The following NRG1 variants were observed in gnomAD, a reference collection of about 807,000 sequenced individuals.
The protein encoded by NRG1 is neuregulin 1, also known as pro-neuregulin-1, membrane-bound isoform.
A neutral mutation model predicts 63.8 loss-of-function variants in NRG1; 18 were observed. The observed-to-expected ratio is 0.28, with a 90% CI of 0.19 to 0.42. The LOEUF is 0.42. NRG1 is among the 10% of genes least tolerant of loss of function. NRG1 has a pLI of 1.00. For missense variants in NRG1, 762 were observed against 814.7 expected, an observed-to-expected ratio of 0.94 and a Z score of 0.79; for synonymous variants, 302 against 301.3, an observed-to-expected ratio of 1.00 and a Z score of -0.02.
At chr8:32,145,082 C>T (rs1196513279) in intron 1 of NRG1, among the ~76,000 whole-genome samples, 3 of 152,172 alleles carry the variant, frequency 2.0e-5, no homozygotes, top group Non-Finnish European at 4.4e-5. Context: ...TTCAGAGTGA[C>T]ACCTGGTTTA....
chr8:31,674,880 A>G (rs530165472), intron 1 of NRG1, among the ~76,000 whole-genome samples: 2 of 152,256 alleles, frequency 1.3e-5, no homozygotes, highest in South Asian at 4.1e-4. Context: ...TCTTTAATTT[A>G]CCTTGTACTG....
intron 1 of NRG1, among the ~76,000 whole-genome samples, chr8:31,651,978 T>C (rs7829124): frequency 0.24 from 36,488 of 152,040 alleles, 4,525 homozygotes; most frequent in Admixed American, 0.27. Flanking sequence ...TGAAATATTT[T>C]AACCAGTGCC....
At chr8:32,209,744 T>G (rs1844478597) in intron 1 of NRG1, among the ~76,000 whole-genome samples, 1 of 140,102 alleles carries the variant, frequency 7.1e-6, no homozygotes, top group Non-Finnish European at 1.6e-5. Flanking sequence ...CTTCCTTCCT[T>G]CCTTCCTTCC....
At chr8:32,121,682 C>A (rs1301752225) in intron 1 of NRG1, among the ~76,000 whole-genome samples, 1 of 151,640 alleles carries the variant, frequency 6.6e-6, no homozygotes, top group Non-Finnish European at 1.5e-5. Context: ...TATTTTGAGA[C>A]CGTAATAAGA....
chr8:31,773,001 A>T (rs1563384141), intron 1 of NRG1, among the ~76,000 whole-genome samples: 1 of 152,190 alleles, frequency 6.6e-6, no homozygotes, highest in Non-Finnish European at 1.5e-5. Context: ...GACTTACTGT[A>T]TGATATGTCC....
At chr8:32,588,636 C>T (rs918427308) in intron 1 of NRG1, among the ~76,000 whole-genome samples, 1 of 152,128 alleles carries the variant, frequency 6.6e-6, no homozygotes, top group East Asian at 1.9e-4. Context: ...TTCAGTAGTT[C>T]ATATACACAT....
chr8:31,902,719 G>T (rs1211090948), intron 1 of NRG1, among the ~76,000 whole-genome samples: 1 of 152,030 alleles, frequency 6.6e-6, no homozygotes, highest in Non-Finnish European at 1.5e-5. Flanking sequence ...TTCTTGGTGG[G>T]TTTTAACAGA....
At position 31,640,041 on chromosome 8, in the gene NRG1, C is replaced by T. The variant is rs1009297987; in HGVS notation, c.37+610C>T. The T allele has an allele frequency of 8.7e-7, 1 of 1,143,750 alleles. No homozygotes were observed. The highest frequency in any genetic ancestry group is 1.1e-6 in the Non-Finnish European group (1 of 933,280). 70.9% of individuals were successfully genotyped at this position (1,143,750 alleles called of 1,614,324 possible). ...GGCGTCCCGGCCCCCGGGCCCAGCGCCCCGGCTCCGCCGCCCGCTCGTCGC... is the reference window on the plus strand; with the variant it reads ...GGCGTCCCGGCCCCCGGGCCCAGCGTCCCGGCTCCGCCGCCCGCTCGTCGC... On this transcript the variant is annotated intron_variant, in intron 1 of 10. Coordinates refer to the NRG1 transcript ENST00000519301. The surrounding 1 kb of genome is among the most constrained non-coding windows in gnomAD (Gnocchi z 6.3).
At chr8:32,354,995 T>G (rs546963067) in intron 1 of NRG1, among the ~76,000 whole-genome samples, 1 of 151,726 alleles carries the variant, frequency 6.6e-6, no homozygotes, top group African/African-American at 2.4e-5. Context: ...AATTAACAAT[T>G]TAAAAGATAA....
chr8:31,679,351 T>C (rs1462311676), intron 1 of NRG1, among the ~76,000 whole-genome samples: 2 of 152,186 alleles, frequency 1.3e-5, no homozygotes, highest in African/African-American at 2.4e-5. Flanking sequence ...TCATTGTATT[T>C]ATTTGTTCTT....
At chr8:32,118,647 C>T (rs1002954054) in intron 1 of NRG1, among the ~76,000 whole-genome samples, 6 of 152,010 alleles carry the variant, frequency 3.9e-5, no homozygotes, top group South Asian at 2.1e-4. Flanking sequence ...GTTGTAATAG[C>T]GAGGTATTTA....
At chr8:32,442,726 T>A (rs1819709091) in intron 1 of NRG1, 1 of 152,144 alleles carries the variant, frequency 6.6e-6, no homozygotes, top group Non-Finnish European at 1.5e-5. Context: ...TAGAAATAGA[T>A]GTATTGAGGA....
intron 1 of NRG1, among the ~76,000 whole-genome samples, chr8:32,127,520 T>C (rs913298756): frequency 4.6e-5 from 6 of 131,088 alleles, no homozygotes; most frequent in African/African-American, 8.5e-5. Flanking sequence ...AATGTGTGTG[T>C]ATCTGCACGT....
chr8:32,621,644 T>A (rs1345015767), intron 5 of NRG1, among the ~76,000 whole-genome samples: 1 of 152,024 alleles, frequency 6.6e-6, no homozygotes, highest in Non-Finnish European at 1.5e-5. Flanking sequence ...TCAAGATAAA[T>A]CCCGGGAAAA....
chr8:32,729,048 A>G (rs1329412925), intron 6 of NRG1, among the ~76,000 whole-genome samples: 1 of 152,230 alleles, frequency 6.6e-6, no homozygotes, highest in Non-Finnish European at 1.5e-5. Flanking sequence ...AGCCTGGGTG[A>G]CAGAGCGAGA....
At chr8:31,702,450 CAT>C (rs2131197152) in intron 1 of NRG1, among the ~76,000 whole-genome samples, 1 of 112,260 alleles carries the variant, frequency 8.9e-6, no homozygotes, top group Admixed American at 9.7e-5. Context: ...TTTCCCATAA[CAT>C]TTTTTTTTTT....
chr8:31,692,607 A>G (rs192405143), intron 1 of NRG1, among the ~76,000 whole-genome samples: 10 of 152,358 alleles, frequency 6.6e-5, no homozygotes, highest in African/African-American at 2.4e-4. Context: ...ATAAACTTGC[A>G]TTTTGACAGG....
intron 5 of NRG1, among the ~76,000 whole-genome samples, chr8:32,716,841 T>C (rs994409586): frequency 1.4e-5 from 2 of 145,418 alleles, no homozygotes; most frequent in Non-Finnish European, 3.0e-5. Flanking sequence ...TGTGTGTGTG[T>C]GCATAGCAGC....
intron 1 of NRG1, among the ~76,000 whole-genome samples, chr8:32,068,310 A>G (rs1449032427): frequency 6.6e-6 from 1 of 152,168 alleles, no homozygotes; most frequent in Non-Finnish European, 1.5e-5. Flanking sequence ...CTGAGGTGGG[A>G]TTAGTAATTG....
Sources: gnomAD v4.1 joint callset for allele counts (sites outside exome capture counted in the v4.1 genomes callset) on GRCh38, gnomAD v4.1.1 for gene constraint, Gnocchi (gnomAD v3.1) non-coding constraint, MANE v1.5 for transcripts, NCBI Gene and HGNC (gene_info 2026-07-23, HGNC 2026-07-21) for gene names.